The following SPTBN1 variants were observed in gnomAD, a reference collection of about 807,000 sequenced individuals.
SPTBN1 encodes spectrin beta chain, non-erythrocytic 1.
A neutral mutation model predicts 266.4 loss-of-function variants in SPTBN1; 32 were observed. The observed-to-expected ratio is 0.12, with a 90% confidence interval of 0.09 to 0.16. The LOEUF (loss-of-function observed/expected upper bound fraction) is 0.16. SPTBN1 is among the 10% of genes least tolerant of loss of function. The pLI, the probability that SPTBN1 is intolerant of heterozygous loss-of-function variation, is 1.00. For missense variants in SPTBN1, 2,296 were observed against 3,067.1 expected, an observed-to-expected ratio of 0.75 and a Z score of 5.94; for synonymous variants, 1,336 against 1,162.2, an observed-to-expected ratio of 1.15 and a Z score of -3.04.
At chr2:54,567,762 T>A (rs1483192006) in intron 2 of SPTBN1, among the ~76,000 whole-genome samples, 1 of 152,094 alleles carries the variant, frequency 6.6e-6, no homozygotes, top group African/African-American at 2.4e-5. Context: ...TTAACTCTGG[T>A]CACTGAGGCA....
chr2:54,465,680 G>GGA (rs1558749070), intron 1 of SPTBN1, among the ~76,000 whole-genome samples: 1 of 103,310 alleles, frequency 9.7e-6, no homozygotes. Context: ...CTCACACATG[G>GGA]GAGAGAGAGG....
intron 30 of SPTBN1, among the ~76,000 whole-genome samples, chr2:54,658,802 G>C (rs1680845152): frequency 6.6e-6 from 1 of 152,176 alleles, no homozygotes; most frequent in Non-Finnish European, 1.5e-5. Flanking sequence ...CCTGGTGTTT[G>C]TCTGAGCTCT....
intron 1 of SPTBN1, among the ~76,000 whole-genome samples, chr2:54,483,220 A>G (rs986602132): frequency 6.6e-6 from 1 of 152,172 alleles, no homozygotes; most frequent in Non-Finnish European, 1.5e-5. Context: ...TGTGTGGGAA[A>G]CAAGGACAGT....
chr2:54,496,940 G>A (rs1025443470), intron 1 of SPTBN1, among the ~76,000 whole-genome samples: 4 of 152,210 alleles, frequency 2.6e-5, no homozygotes, highest in Non-Finnish European at 5.9e-5. Context: ...TCCTGTAATA[G>A]GGACTTGGTT....
rs188293491 is a variant in SPTBN1, at chr2:54,587,530, T to C, written c.149-11562T>C. ...TTTAGTTCTAAGTTTTTCCTAACTT[T>C]TAAGGGCATTGCAAGTTACCCTCAG... is the stretch of plus-strand genomic sequence containing the variant. On this transcript the variant is annotated intron_variant, in intron 2 of 35. Transcript: ENST00000356805. Among the ~76,000 whole-genome samples the C allele has an allele frequency of 1.6e-3, 244 of 152,336 alleles. 1 individual carries two copies. Among genetic ancestry groups the C allele is most frequent in the African/African-American group, 5.7e-3 (236 of 41,570 alleles).
chr2:54,630,467 G>A (rs1357171162), intron 15 of SPTBN1, among the ~76,000 whole-genome samples: 1 of 152,208 alleles, frequency 6.6e-6, no homozygotes, highest in Non-Finnish European at 1.5e-5. Context: ...GTTTGAGTAG[G>A]TTATGGCACC....
At chr2:54,552,097 T>C (rs13016942) in intron 2 of SPTBN1, among the ~76,000 whole-genome samples, 122,021 of 152,160 alleles carry the variant, frequency 0.8, 49,471 homozygotes, top group African/African-American at 0.94. Context: ...AAATGCCCTT[T>C]GCCAAAAATC....
chr2:54,660,139 C>A, intron 32 of SPTBN1, 140 bp downstream of exon 32: 2 of 1,560,198 alleles, frequency 1.3e-6, no homozygotes, highest in Non-Finnish European at 1.7e-6. Flanking sequence ...TGGGTTTTGA[C>A]TTTTTGGCTT....
chr2:54,553,150 G>A (rs2104440101), intron 2 of SPTBN1, among the ~76,000 whole-genome samples: 1 of 152,200 alleles, frequency 6.6e-6, no homozygotes, highest in East Asian at 1.9e-4. Context: ...AGTTGGTTGA[G>A]TTTTCTGGTT....
At chr2:54,457,501 G>A (rs1471820743) in intron 1 of SPTBN1, among the ~76,000 whole-genome samples, 1 of 152,212 alleles carries the variant, frequency 6.6e-6, no homozygotes, top group Non-Finnish European at 1.5e-5. Flanking sequence ...AGTGAGGACA[G>A]GGTGCGTGTG....
chr2:54,468,924 A>G (rs1693777714), intron 1 of SPTBN1, among the ~76,000 whole-genome samples: 1 of 152,228 alleles, frequency 6.6e-6, no homozygotes, highest in East Asian at 1.9e-4. Flanking sequence ...TGTGGTTATT[A>G]TAATCTTGGT....
intron 2 of SPTBN1, among the ~76,000 whole-genome samples, chr2:54,571,298 C>G (rs989129831): frequency 6.6e-6 from 1 of 152,102 alleles, no homozygotes; most frequent in African/African-American, 2.4e-5. Flanking sequence ...CTAGCTCTAC[C>G]AGTGACTTCA....
In SPTBN1 at chr2:54,649,471, A is replaced by G; in HGVS notation, c.5203-144A>G. The G allele has an allele frequency of 7.6e-7, 1 of 1,323,842 alleles. No individual in the cohort carries two copies. The highest frequency in any genetic ancestry group is 1.6e-5 in the South Asian group (1 of 63,294). 82.0% of individuals were successfully genotyped at this position (1,323,842 alleles called of 1,614,324 possible). On this transcript the variant is annotated intron_variant, in intron 25 of 35. Transcript: ENST00000356805. This position sits in a 1 kb window ranked among gnomAD's most constrained non-coding sequence, Gnocchi z 6.7. ...AAACCCAGTTGCTAAGAGGTTCTCGAGCTAAGATCTATTGTTCTGAAGTCA... is the reference window on the plus strand; with the variant it reads ...AAACCCAGTTGCTAAGAGGTTCTCGGGCTAAGATCTATTGTTCTGAAGTCA...
chr2:54,508,642 G>C (rs1194539743), intron 1 of SPTBN1, among the ~76,000 whole-genome samples: 1 of 152,170 alleles, frequency 6.6e-6, no homozygotes, highest in East Asian at 1.9e-4. Flanking sequence ...AGAACCATTT[G>C]CTTTGTGTGG....
At chr2:54,660,380 TGAA>T (rs1680954992) in intron 32 of SPTBN1, 4 of 1,148,238 alleles carry the variant, frequency 3.5e-6, no homozygotes, top group South Asian at 2.6e-5. Context: ...TACAGCATAA[TGAA>T]GAAGAAAACT....
chr2:54,644,687 C>T, intron 20 of SPTBN1, 101 bp downstream of exon 20: 1 of 1,460,616 alleles, frequency 6.8e-7, no homozygotes, highest in Middle Eastern at 2.6e-4. Flanking sequence ...GTCCACCTTC[C>T]ATGGGAAGGC....
At chr2:54,556,465 T>G (rs1056059780) in intron 2 of SPTBN1, among the ~76,000 whole-genome samples, 8 of 152,252 alleles carry the variant, frequency 5.3e-5, no homozygotes, top group Admixed American at 2.6e-4. Context: ...AGGGAGATAC[T>G]GAGTGGTGAC....
At chr2:54,594,835 T>TTTTTTTTTC (rs1558880043) in intron 2 of SPTBN1, among the ~76,000 whole-genome samples, 1 of 137,876 alleles carries the variant, frequency 7.3e-6, no homozygotes, top group African/African-American at 3.0e-5. Context: ...GTAAGTTTCT[T>TTTTTTTTTC]TTTTTTTTTT....
chr2:54,568,155 C>A (rs545177204), intron 2 of SPTBN1, among the ~76,000 whole-genome samples: 1 of 151,850 alleles, frequency 6.6e-6, no homozygotes, highest in African/African-American at 2.4e-5. Context: ...CTGAGGCGGG[C>A]GGATCACCAG....
Sources: allele counts gnomAD v4.1 joint callset (sites outside exome capture counted in the v4.1 genomes callset), GRCh38; gene constraint gnomAD v4.1.1; non-coding constraint Gnocchi (gnomAD v3.1); transcripts MANE v1.5; gene names NCBI Gene and HGNC (gene_info 2026-07-23, HGNC 2026-07-21).